ADAMTSL3: variants seen among roughly 807,000 people sequenced by gnomAD.
ADAMTSL3 encodes the protein ADAMTS-like protein 3.
ADAMTSL3 carries 128 observed loss-of-function variants against 201.7 expected under a neutral mutation model. The ratio of observed to expected loss-of-function variants is 0.63; its 90% CI spans 0.55 to 0.73. ADAMTSL3 has a LOEUF of 0.73. Ranked by LOEUF, ADAMTSL3 falls within the 30% of genes least tolerant of loss-of-function variation. The probability of loss-of-function intolerance (pLI) is 0.00; values close to 1 mark genes in which losing one functional copy is unlikely to be tolerated. For synonymous variants in ADAMTSL3, 738 were observed against 748.4 expected, an observed-to-expected ratio of 0.99 and a Z score of 0.23; for missense variants, 1,990 against 2,119.6, an observed-to-expected ratio of 0.94 and a Z score of 1.20.
chr15:83,878,688 C>A lies in ADAMTSL3; in HGVS notation c.961-6413C>A, dbSNP rs114776716. Reference sequence around the variant, plus strand: ...TTAAAAGGTGTATCCTTTTATATATCACTAGATGTGATTTTAAATTATTTC... The same window carrying A: ...TTAAAAGGTGTATCCTTTTATATATAACTAGATGTGATTTTAAATTATTTC... On this transcript the variant is annotated intron_variant, in intron 9 of 29. Transcript: ENST00000286744. Among the ~76,000 whole-genome samples the A allele has an allele frequency of 7.2e-3, 1,098 of 151,924 alleles. 16 individuals carry two copies. Among genetic ancestry groups the A allele is most frequent in the African/African-American group, 0.025 (1,053 of 41,470 alleles).
In ADAMTSL3 at chr15:83,913,150, C is replaced by T. The variant is rs867362950; in HGVS notation, c.1759C>T (p.Arg587Cys). The change falls in exon 16 of 30, where the codon CGT becomes TGT. Residue 587 changes from arginine to cysteine, a missense_variant. Physicochemically the swap from Arg to Cys is radical, Grantham distance 180 (BLOSUM62 -3). Coordinates refer to ENST00000286744, the MANE Select transcript of ADAMTSL3 (RefSeq NM_207517.3). ...STTCGPGVQV[R>C]EVKCRVLLTF... ...CACGTGTGGGCCGGGTGTGCAGGTCCGTGAGGTGAAGTGCCGTGTGCTCCT... is the reference window on the plus strand; with the variant it reads ...CACGTGTGGGCCGGGTGTGCAGGTCTGTGAGGTGAAGTGCCGTGTGCTCCT... The T allele has an allele frequency of 1.4e-5, 23 of 1,613,958 alleles. No homozygotes were observed. The highest frequency in any genetic ancestry group is 2.2e-5 in the East Asian group (1 of 44,876).
intron 21 of ADAMTSL3, among the ~76,000 whole-genome samples, chr15:83,984,886 A>T (rs1217468647): frequency 6.6e-6 from 1 of 152,372 alleles, no homozygotes; most frequent in East Asian, 1.9e-4. Context: ...TGTGCTATAC[A>T]AATGTGTTAG....
At chr15:83,700,257 C>T (rs1273801807) in intron 2 of ADAMTSL3, among the ~76,000 whole-genome samples, 1 of 152,214 alleles carries the variant, frequency 6.6e-6, no homozygotes, top group Non-Finnish European at 1.5e-5. Flanking sequence ...TAACAGGTTC[C>T]AGCCCTGGCT....
chr15:83,701,785 G>C (rs2061781768), intron 2 of ADAMTSL3, among the ~76,000 whole-genome samples: 1 of 152,108 alleles, frequency 6.6e-6, no homozygotes, highest in Non-Finnish European at 1.5e-5. Flanking sequence ...TCCCAGTCTC[G>C]AGTATGTCAT....
intron 23 of ADAMTSL3, among the ~76,000 whole-genome samples, chr15:83,997,796 A>T (rs988689044): frequency 6.6e-6 from 1 of 152,164 alleles, no homozygotes; most frequent in Admixed American, 6.5e-5. Context: ...GACCTATCAC[A>T]TAGTTTCCTT....
chr15:83,801,683 T>A (rs181757906), intron 4 of ADAMTSL3, among the ~76,000 whole-genome samples: 7 of 65,842 alleles, frequency 1.1e-4, no homozygotes, highest in African/African-American at 2.2e-4. Context: ...TATATATATA[T>A]ATATATATAT....
At position 83,838,135 on chromosome 15, in the gene ADAMTSL3, A is replaced by C; in HGVS notation, c.647A>C (p.Asn216Thr). 8.1e-6 allele frequency: 13 copies of C among 1,613,412 alleles called. No homozygotes were observed. The highest frequency in any genetic ancestry group is 1.1e-5 in the Non-Finnish European group (13 of 1,179,752). The part of the protein sequence containing the change: ...RQLGSNAKED[N>T]CGVCAGDGST... ...CTGGGAAGCAATGCCAAGGAGGACA[A>C]CTGTGGAGTCTGTGCCGGCGATGGC... The change falls in exon 7 of 30, where the codon AAC becomes ACC. Residue 216 changes from asparagine (N) to threonine (T), a missense_variant. Transcript: ENST00000286744.
chr15:83,998,123 C>A (rs984967960), intron 23 of ADAMTSL3, among the ~76,000 whole-genome samples: 1 of 152,016 alleles, frequency 6.6e-6, no homozygotes, highest in Non-Finnish European at 1.5e-5. Context: ...CATGAAAAAT[C>A]CAGTTACCTA....
At position 83,991,320 on chromosome 15, in the gene ADAMTSL3, G is replaced by A. The variant is rs2067578578; in HGVS notation, c.3973+106G>A. ...TGGCATTTTGGTATTCGAGACCTCA[G>A]CCTGATAGGCTTAAAAAAAAGATTT... On this transcript the variant is annotated intron_variant, in intron 23 of 29. Transcript: ENST00000286744. 2.6e-6 allele frequency: 4 copies of A among 1,512,112 alleles called. No individual in the cohort carries two copies. In the African/African-American group the frequency reaches 5.6e-5, roughly 21 times the overall value. 93.7% of individuals were successfully genotyped at this position (1,512,112 alleles called of 1,614,324 possible).
intron 19 of ADAMTSL3, among the ~76,000 whole-genome samples, chr15:83,943,540 T>C (rs2066603027): frequency 1.3e-5 from 2 of 152,212 alleles, no homozygotes; most frequent in Non-Finnish European, 2.9e-5. Flanking sequence ...AAGCTTGAAT[T>C]AGTGCAGTGA....
chr15:83,939,088 A>AT (rs1268459256), intron 17 of ADAMTSL3, among the ~76,000 whole-genome samples: 1 of 152,156 alleles, frequency 6.6e-6, no homozygotes, highest in Non-Finnish European at 1.5e-5. Flanking sequence ...ACACTGATTG[A>AT]TTTTCCAAGG....
At chr15:83,717,229 G>T (rs925500791) in intron 3 of ADAMTSL3, among the ~76,000 whole-genome samples, 1 of 152,120 alleles carries the variant, frequency 6.6e-6, no homozygotes. Context: ...CATCATGCTG[G>T]GTGTATGATA....
chr15:83,892,912 T>TTTAA (rs1241507943), intron 13 of ADAMTSL3, 24 bp downstream of exon 13: 1 of 1,593,708 alleles, frequency 6.3e-7, no homozygotes, highest in Non-Finnish European at 8.6e-7. Context: ...ATATGCCACT[T>TTTAA]TTAATTAATT....
intron 26 of ADAMTSL3, among the ~76,000 whole-genome samples, 198 bp from the exon 27 acceptor site, chr15:84,025,040 G>T (rs1038887063): frequency 3.3e-5 from 5 of 152,196 alleles, no homozygotes; most frequent in African/African-American, 1.2e-4. Flanking sequence ...ATCTCTACAT[G>T]ATGACACTGT....
At chr15:83,703,916 G>C (rs985372088) in intron 2 of ADAMTSL3, among the ~76,000 whole-genome samples, 1 of 148,778 alleles carries the variant, frequency 6.7e-6, no homozygotes, top group Non-Finnish European at 1.5e-5. Flanking sequence ...ATTTTCTTCT[G>C]TGCTCATTTA....
chr15:83,812,029 T>C (rs1161863200), intron 5 of ADAMTSL3, among the ~76,000 whole-genome samples: 1 of 152,208 alleles, frequency 6.6e-6, no homozygotes, highest in Non-Finnish European at 1.5e-5. Context: ...GGAGAGATTA[T>C]GCAAGTATAT....
chr15:84,031,053 T>C (rs761199650), intron 27 of ADAMTSL3, among the ~76,000 whole-genome samples: 4 of 152,166 alleles, frequency 2.6e-5, no homozygotes, highest in Non-Finnish European at 5.9e-5. Context: ...TTAAACCTCT[T>C]TCCTTTGTAA....
At position 83,838,353 on chromosome 15, in the gene ADAMTSL3, T is replaced by A. The variant is rs930421037; in HGVS notation, c.727+138T>A. ...GTACCAATTTTCTAAAAGTGAAATT[T>A]CTTCCAAGAAGTGTGTATCAAACTT... On this transcript the variant is annotated intron_variant, in intron 7 of 29. Coordinates refer to ENST00000286744, the MANE Select transcript of ADAMTSL3 (RefSeq NM_207517.3). The A allele has an allele frequency of 1.0e-5, 12 of 1,195,886 alleles. No individual in the cohort carries two copies. The African/African-American group carries it at 1.9e-4, about 19-fold the overall frequency. 74.1% of individuals were successfully genotyped at this position (1,195,886 alleles called of 1,614,324 possible). A position where few individuals can be genotyped will look rare whatever the true frequency, so the allele number is the denominator to read the frequency against.
chr15:83,963,107 C>T (rs1160686742), intron 19 of ADAMTSL3, among the ~76,000 whole-genome samples: 2 of 152,202 alleles, frequency 1.3e-5, no homozygotes, highest in Non-Finnish European at 2.9e-5. Context: ...GGGCAGACAT[C>T]AAGCTAGCTG....
Sources: allele counts gnomAD v4.1 joint callset (sites outside exome capture counted in the v4.1 genomes callset), GRCh38; gene constraint gnomAD v4.1.1; transcripts MANE v1.5; gene names NCBI Gene and HGNC (gene_info 2026-07-23, HGNC 2026-07-21).